The following TENM2 variants were observed in gnomAD, a reference collection of about 807,000 sequenced individuals.
TENM2 encodes the protein teneurin transmembrane protein 2, also known as teneurin-2.
Under a neutral mutation model 245.2 loss-of-function variants are expected in TENM2, and 52 were observed. The observed-to-expected ratio is 0.21, with a 90% CI of 0.17 to 0.27. The LOEUF is 0.27. TENM2 is among the 10% of genes least tolerant of loss of function. The pLI, the probability that TENM2 is intolerant of heterozygous loss-of-function variation, is 1.00. For synonymous variants in TENM2, 1,363 were observed against 1,438.9 expected (o/e 0.95, Z 1.19); for missense variants, 3,046 against 3,666.8 (o/e 0.83, Z 4.37).
chr5:168,202,167 C>T (rs1581620122), intron 17 of TENM2, among the ~76,000 whole-genome samples: 1 of 152,294 alleles, frequency 6.6e-6, no homozygotes, highest in South Asian at 2.1e-4. Flanking sequence ...CCTTCCTCAT[C>T]TATTAGCTGA....
the TENM2 span, among the ~76,000 whole-genome samples, chr5:167,035,016 A>C: frequency 1.3e-5 from 2 of 152,224 alleles, no homozygotes; most frequent in African/African-American, 2.4e-5. Flanking sequence ...TACATTAAAC[A>C]ATCAGTTTTT....
At chr5:168,083,776 C>T (rs898120426) in intron 7 of TENM2, among the ~76,000 whole-genome samples, 1 of 151,856 alleles carries the variant, frequency 6.6e-6, no homozygotes, top group African/African-American at 2.4e-5. Context: ...CTCAGAGGTA[C>T]ATGAGCAAGT....
At chr5:167,307,289 TTG>T (rs1755735886) in intron 1 of TENM2, among the ~76,000 whole-genome samples, 1 of 152,210 alleles carries the variant, frequency 6.6e-6, no homozygotes, top group Non-Finnish European at 1.5e-5. Flanking sequence ...TGAGCGATTT[TTG>T]ACTGTTTATC....
At chr5:167,882,536 A>T (rs917580771) in intron 3 of TENM2, among the ~76,000 whole-genome samples, 4 of 152,228 alleles carry the variant, frequency 2.6e-5, no homozygotes, top group Non-Finnish European at 5.9e-5. Context: ...AAAGGGAAGA[A>T]GTTTAATTGA....
At chr5:167,477,844 A>T (rs2127523864) in intron 2 of TENM2, among the ~76,000 whole-genome samples, 1 of 152,316 alleles carries the variant, frequency 6.6e-6, no homozygotes, top group South Asian at 2.1e-4. Context: ...AAAGGAGGGC[A>T]ATAGGTGGGA....
the TENM2 span, among the ~76,000 whole-genome samples, chr5:167,225,441 A>G: frequency 6.6e-6 from 1 of 151,940 alleles, no homozygotes; most frequent in Non-Finnish European, 1.5e-5. Flanking sequence ...TCTATCCTTC[A>G]TTCTGTTGAT....
chr5:167,673,755 C>A (rs1354665355), intron 2 of TENM2, among the ~76,000 whole-genome samples: 4 of 150,154 alleles, frequency 2.7e-5, no homozygotes, highest in Non-Finnish European at 5.9e-5. Flanking sequence ...TTCTCCAATA[C>A]CTTATTTTTT....
chr5:167,281,721 G>A (rs539387953), upstream of TENM2, among the ~76,000 whole-genome samples: 26 of 152,124 alleles, frequency 1.7e-4, no homozygotes, highest in East Asian at 2.9e-3. Context: ...CCTTGCAGCC[G>A]GGCACAGTGG....
At chr5:167,959,020 T>C (rs184363209) in intron 4 of TENM2, among the ~76,000 whole-genome samples, 19 of 152,304 alleles carry the variant, frequency 1.2e-4, no homozygotes, top group African/African-American at 4.3e-4. Flanking sequence ...AACTTGAATG[T>C]TGGCCTGTCT....
chr5:168,165,680 A>T (rs1688252848), intron 13 of TENM2, among the ~76,000 whole-genome samples: 1 of 120,882 alleles, frequency 8.3e-6, no homozygotes, highest in African/African-American at 3.0e-5. Flanking sequence ...GCAGAGACAA[A>T]GCAGTCCAAA....
At chr5:167,352,040 C>T (rs1212258667) in intron 1 of TENM2, among the ~76,000 whole-genome samples, 2 of 152,060 alleles carry the variant, frequency 1.3e-5, no homozygotes, top group Non-Finnish European at 2.9e-5. Context: ...ACTTAAAAGC[C>T]TATTTAATTT....
At chr5:167,435,470 G>C (rs549710763) in intron 2 of TENM2, among the ~76,000 whole-genome samples, 1 of 152,292 alleles carries the variant, frequency 6.6e-6, no homozygotes, top group East Asian at 1.9e-4. Flanking sequence ...CTTCTGCCAT[G>C]ATTGTGAGGG....
chr5:167,129,616 C>T, the TENM2 span, among the ~76,000 whole-genome samples: 2 of 152,096 alleles, frequency 1.3e-5, no homozygotes, highest in Non-Finnish European at 2.9e-5. Flanking sequence ...GTTTCCTTAC[C>T]TGTCAAATGG....
intron 1 of TENM2, among the ~76,000 whole-genome samples, chr5:167,315,879 A>G (rs1230145782): frequency 6.6e-6 from 1 of 152,164 alleles, no homozygotes; most frequent in African/African-American, 2.4e-5. Flanking sequence ...AAAATTAGGA[A>G]CAATTATAGC....
At chr5:167,883,085 T>G (rs1415262871) in intron 3 of TENM2, among the ~76,000 whole-genome samples, 1 of 152,128 alleles carries the variant, frequency 6.6e-6, no homozygotes, top group African/African-American at 2.4e-5. Flanking sequence ...TCCTTGTAAC[T>G]TACATGCAAA....
the TENM2 span, among the ~76,000 whole-genome samples, chr5:167,017,477 A>G: frequency 6.6e-6 from 1 of 152,200 alleles, no homozygotes; most frequent in African/African-American, 2.4e-5. Flanking sequence ...AAAAGCAGCC[A>G]TAGACAATAT....
chr5:167,422,923 C>A (rs1288128962), intron 2 of TENM2, among the ~76,000 whole-genome samples: 1 of 152,150 alleles, frequency 6.6e-6, no homozygotes, highest in Non-Finnish European at 1.5e-5. Flanking sequence ...TAAGGAAAGA[C>A]AACATCCAGT....
chr5:167,618,236 A>G (rs1205799345), intron 2 of TENM2, among the ~76,000 whole-genome samples: 2 of 152,106 alleles, frequency 1.3e-5, no homozygotes, highest in Non-Finnish European at 2.9e-5. Flanking sequence ...GTTGAGCAGA[A>G]CCACTTGTCC....
intron 2 of TENM2, among the ~76,000 whole-genome samples, chr5:167,683,914 G>T (rs1756906203): frequency 6.6e-6 from 1 of 152,130 alleles, no homozygotes; most frequent in Admixed American, 6.5e-5. Flanking sequence ...TGCATAAAAG[G>T]AATGCATCTT....
Sources: gnomAD v4.1 joint callset for allele counts (sites outside exome capture counted in the v4.1 genomes callset) on GRCh38, gnomAD v4.1.1 for gene constraint, MANE v1.5 for transcripts, NCBI Gene and HGNC (gene_info 2026-07-23, HGNC 2026-07-21) for gene names.